Variants in RBFOX1 observed in about 807,000 individuals in gnomAD.
RBFOX1 encodes RNA binding fox-1 homolog 1, also known as RNA binding protein fox-1 homolog 1.
In RBFOX1, 8 loss-of-function variants were observed where a neutral mutation model predicts 57.7. The observed-to-expected ratio is 0.14, with a 90% confidence interval of 0.08 to 0.25. RBFOX1 has a LOEUF of 0.25. Ranked by LOEUF, RBFOX1 falls within the 10% of genes least tolerant of loss-of-function variation. The probability of loss-of-function intolerance (pLI) is 1.00; values close to 1 mark genes in which losing one functional copy is unlikely to be tolerated. For synonymous variants in RBFOX1, 326 were observed against 222.4 expected (o/e 1.47, Z -4.15); for missense variants, 611 against 548.5 (o/e 1.11, Z -1.14).
intron 3 of RBFOX1, among the ~76,000 whole-genome samples, chr16:5,685,678 C>G (rs1450837913): frequency 2.0e-5 from 3 of 152,208 alleles, no homozygotes; most frequent in Admixed American, 6.5e-5. Context: ...CTGAGGCCAT[C>G]TCATCCTATA....
At chr16:6,958,664 A>C (rs2082341889) in intron 3 of RBFOX1, among the ~76,000 whole-genome samples, 1 of 152,212 alleles carries the variant, frequency 6.6e-6, no homozygotes, top group Non-Finnish European at 1.5e-5. Flanking sequence ...ATGGGAAGTT[A>C]ATATGGAATT....
chr16:6,334,822 C>G (rs1296578512), intron 2 of RBFOX1, among the ~76,000 whole-genome samples: 1 of 152,132 alleles, frequency 6.6e-6, no homozygotes, highest in Non-Finnish European at 1.5e-5. Context: ...AACATATATA[C>G]CAGCTTTTGC....
intron 5 of RBFOX1, among the ~76,000 whole-genome samples, chr16:7,523,367 A>C (rs995914049): frequency 2.0e-5 from 3 of 152,220 alleles, no homozygotes; most frequent in African/African-American, 7.2e-5. Flanking sequence ...GAAATTTTCA[A>C]GTCAAGAGAT....
intron 2 of RBFOX1, among the ~76,000 whole-genome samples, chr16:5,499,372 G>T (rs534582332): frequency 1.2e-3 from 176 of 152,104 alleles, no homozygotes; most frequent in African/African-American, 4.0e-3. Flanking sequence ...TCCAGGTCTC[G>T]GATTCCTGTC....
At chr16:7,023,964 C>T (rs908029013) in intron 3 of RBFOX1, among the ~76,000 whole-genome samples, 2 of 152,210 alleles carry the variant, frequency 1.3e-5, no homozygotes, top group Non-Finnish European at 1.5e-5. Context: ...CTGTCACTCT[C>T]CTAGGGGATG....
At chr16:6,177,497 T>G (rs968403224) in intron 1 of RBFOX1, among the ~76,000 whole-genome samples, 1 of 152,162 alleles carries the variant, frequency 6.6e-6, no homozygotes, top group African/African-American at 2.4e-5. Context: ...TCATACTGTT[T>G]CATAACAAAT....
At chr16:7,473,613 G>T (rs2062011878) in intron 4 of RBFOX1, among the ~76,000 whole-genome samples, 1 of 151,554 alleles carries the variant, frequency 6.6e-6, no homozygotes, top group African/African-American at 2.4e-5. Flanking sequence ...ATGAGTTACA[G>T]GAGCAGCTCC....
intron 13 of RBFOX1, among the ~76,000 whole-genome samples, chr16:7,666,617 A>C (rs901421630): frequency 6.6e-6 from 1 of 152,152 alleles, no homozygotes; most frequent in African/African-American, 2.4e-5. Context: ...TCCCACAAAT[A>C]AGGAAAAAGA....
At chr16:7,249,482 C>G (rs774901818) in intron 4 of RBFOX1, among the ~76,000 whole-genome samples, 4 of 152,032 alleles carry the variant, frequency 2.6e-5, no homozygotes, top group South Asian at 2.1e-4. Flanking sequence ...TTCCAGCTAT[C>G]TGAATTCTCT....
intron 3 of RBFOX1, among the ~76,000 whole-genome samples, chr16:6,734,958 A>G (rs1014316673): frequency 1.3e-5 from 2 of 152,284 alleles, no homozygotes; most frequent in African/African-American, 2.4e-5. Context: ...TGGGCAACAC[A>G]GTGAGACTGT....
chr16:5,896,172 G>A (rs886179633), intron 4 of RBFOX1, among the ~76,000 whole-genome samples: 2 of 152,144 alleles, frequency 1.3e-5, no homozygotes, highest in Admixed American at 6.5e-5. Context: ...TGTGGAGCAT[G>A]AATGGTCCCC....
At chr16:6,296,601 T>C (rs926858678) in intron 1 of RBFOX1, among the ~76,000 whole-genome samples, 1 of 152,100 alleles carries the variant, frequency 6.6e-6, no homozygotes, top group Non-Finnish European at 1.5e-5. Context: ...TTTATATTTT[T>C]AGTAGAGACG....
At chr16:6,599,210 A>C (rs2154003195) in intron 2 of RBFOX1, among the ~76,000 whole-genome samples, 1 of 151,942 alleles carries the variant, frequency 6.6e-6, no homozygotes, top group Non-Finnish European at 1.5e-5. Flanking sequence ...ACGTGTTGCA[A>C]ATCATTATCC....
intron 4 of RBFOX1, among the ~76,000 whole-genome samples, chr16:5,899,174 C>T (rs1429799884): frequency 2.0e-5 from 3 of 146,560 alleles, no homozygotes; most frequent in African/African-American, 7.5e-5. Flanking sequence ...AAATAGGCTA[C>T]TGACTATCCA....
intron 5 of RBFOX1, among the ~76,000 whole-genome samples, chr16:7,572,778 G>T (rs1346009659): frequency 6.6e-6 from 1 of 152,052 alleles, no homozygotes; most frequent in African/African-American, 2.4e-5. Context: ...GGCAGAGCTT[G>T]CAGTGAGCCA....
chr16:6,296,127 C>G (rs1444135292), intron 1 of RBFOX1, among the ~76,000 whole-genome samples: 1 of 152,150 alleles, frequency 6.6e-6, no homozygotes, highest in Admixed American at 6.6e-5. Context: ...TGCTACATGC[C>G]TTGGGCACGG....
At chr16:5,938,684 G>A (rs1412371255) in intron 4 of RBFOX1, among the ~76,000 whole-genome samples, 1 of 151,944 alleles carries the variant, frequency 6.6e-6, no homozygotes, top group Non-Finnish European at 1.5e-5. Context: ...TTTGTCATTT[G>A]GATCCTGAGG....
intron 4 of RBFOX1, among the ~76,000 whole-genome samples, chr16:7,169,433 C>T (rs2080239406): frequency 6.6e-6 from 1 of 152,138 alleles, no homozygotes; most frequent in Admixed American, 6.5e-5. Flanking sequence ...TAACGGAATC[C>T]CTGACCTAGG....
chr16:5,299,082 C>A (rs1411726332), intron 1 of RBFOX1, among the ~76,000 whole-genome samples: 2 of 149,866 alleles, frequency 1.3e-5, no homozygotes, highest in East Asian at 2.0e-4. Flanking sequence ...CCCTTTCACA[C>A]AACCCTGTCG....
Sources: allele counts gnomAD v4.1 joint callset (sites outside exome capture counted in the v4.1 genomes callset), GRCh38; gene constraint gnomAD v4.1.1; transcripts MANE v1.5; gene names NCBI Gene and HGNC (gene_info 2026-07-23, HGNC 2026-07-21).